Variants in OVCH1 observed in about 807,000 individuals in gnomAD.
The protein encoded by OVCH1 is ovochymase 1.
In OVCH1, 139 loss-of-function variants were observed where a neutral mutation model predicts 138.4. The observed-to-expected ratio is 1.00, with a 90% CI of 0.87 to 1.16. OVCH1 has a LOEUF of 1.16. OVCH1 is among the 50% of genes most tolerant of loss of function. The pLI, the probability that OVCH1 is intolerant of heterozygous loss-of-function variation, is 0.00. For missense variants in OVCH1, 1,367 were observed against 1,357.9 expected, an observed-to-expected ratio of 1.01 and a Z score of -0.11; for synonymous variants, 453 against 467.8, an observed-to-expected ratio of 0.97 and a Z score of 0.41.
rs1942823043 is a variant in OVCH1 at position 29,478,630 on chromosome 12, G to A, written c.1069+205C>T. Among the ~76,000 whole-genome samples the A allele has an allele frequency of 2.0e-5, 3 of 152,070 alleles. No individual in the cohort carries two copies. The South Asian group carries it at 6.2e-4, about 32-fold the overall frequency. ...GAAAAGTCTGTAAGATAAGATCATT[G>A]CCCTTGGTAGAATAAAAGAAATTTT... On this transcript the variant is annotated intron_variant, in intron 9 of 27. Transcript: ENST00000318184.
intron 14 of OVCH1, among the ~76,000 whole-genome samples, chr12:29,474,334 C>CT (rs1942630617): frequency 6.6e-6 from 1 of 152,146 alleles, no homozygotes; most frequent in African/African-American, 2.4e-5. Context: ...AGCTGTGTAT[C>CT]TTTGGGAACG....
intron 27 of OVCH1, among the ~76,000 whole-genome samples, chr12:29,428,869 C>A (rs1345594629): frequency 6.6e-6 from 1 of 152,106 alleles, no homozygotes; most frequent in Non-Finnish European, 1.5e-5. Context: ...AAAAAGTTTC[C>A]CTCTATGAGT....
intron 16 of OVCH1, among the ~76,000 whole-genome samples, chr12:29,471,554 A>G (rs1942507770): frequency 6.6e-6 from 1 of 152,230 alleles, no homozygotes; most frequent in Admixed American, 6.5e-5. Flanking sequence ...AGACCAGTGG[A>G]TTTCTGCAAT....
chr12:29,446,649 A>T (rs545842394), intron 22 of OVCH1, among the ~76,000 whole-genome samples: 1 of 152,212 alleles, frequency 6.6e-6, no homozygotes, highest in East Asian at 1.9e-4. Flanking sequence ...TCAATAGGTA[A>T]TAATGATAAA....
intron 27 of OVCH1, among the ~76,000 whole-genome samples, chr12:29,432,003 TAAAC>T (rs781466154): frequency 2.6e-5 from 4 of 152,244 alleles, no homozygotes; most frequent in Non-Finnish European, 5.9e-5. Flanking sequence ...TTTATTCAAA[TAAAC>T]AATTCTTGAG....
At chr12:29,411,175 C>T (rs1940950241), downstream of OVCH1, among the ~76,000 whole-genome samples, 2 of 97,460 alleles carry the variant, frequency 2.1e-5, 1 homozygote, top group Non-Finnish European at 5.4e-5. Flanking sequence ...TTAAGCAATT[C>T]TCTGTATTGG....
At chr12:29,457,581 T>A (rs972232844) in intron 19 of OVCH1, among the ~76,000 whole-genome samples, 5 of 151,680 alleles carry the variant, frequency 3.3e-5, no homozygotes, top group Non-Finnish European at 7.4e-5. Context: ...TTTTTTGTAT[T>A]TTTAGTAGAG....
intron 9 of OVCH1, among the ~76,000 whole-genome samples, chr12:29,478,198 T>C (rs917835047): frequency 3.9e-5 from 6 of 152,072 alleles, no homozygotes; most frequent in African/African-American, 1.2e-4. Flanking sequence ...AGGTATTCAA[T>C]AAAATAAATT....
At chr12:29,406,463 A>G in the OVCH1 span, among the ~76,000 whole-genome samples, 2 of 151,418 alleles carry the variant, frequency 1.3e-5, no homozygotes, top group Admixed American at 6.6e-5. Flanking sequence ...CTCCCCTCCA[A>G]CCCCACAACA....
At chr12:29,495,485 G>C (rs1369046224) in intron 3 of OVCH1, 28 bp from the exon 4 acceptor site, 1 of 1,599,764 alleles carries the variant, frequency 6.3e-7, no homozygotes. Context: ...TGTTTCATAA[G>C]TAGTTGTTTC....
downstream of OVCH1, chr12:29,412,340 A>C (rs1014565729): frequency 3.3e-5 from 5 of 153,028 alleles, no homozygotes; most frequent in South Asian, 2.1e-4. Flanking sequence ...ACCCGCGCCC[A>C]CTGTCTGGCA....
At chr12:29,451,927 GAA>G (rs986375504) in intron 21 of OVCH1, among the ~76,000 whole-genome samples, 16 of 152,170 alleles carry the variant, frequency 1.1e-4, no homozygotes, top group African/African-American at 3.9e-4. Context: ...TAAATTAGCT[GAA>G]CTTGCTGGGA....
At chr12:29,481,623 C>T (rs1331924446) in intron 8 of OVCH1, among the ~76,000 whole-genome samples, 1 of 152,152 alleles carries the variant, frequency 6.6e-6, no homozygotes, top group African/African-American at 2.4e-5. Context: ...CAATGCCAAA[C>T]CTTCTTTATT....
At chr12:29,430,336 G>A (rs962889959) in intron 27 of OVCH1, among the ~76,000 whole-genome samples, 1 of 152,192 alleles carries the variant, frequency 6.6e-6, no homozygotes, top group Non-Finnish European at 1.5e-5. Flanking sequence ...AGCTGTGGTC[G>A]AATGGGGAGG....
chr12:29,497,313 A>G lies in OVCH1; in HGVS notation c.64+310T>C, dbSNP rs527812699. On this transcript the variant is annotated intron_variant, in intron 1 of 27. Transcript: ENST00000318184. ...TGAGGAATGACCTATACTACTCCGG[A>G]AGGGAGATATTTGTCTTTAAGTTAC... Among the ~76,000 whole-genome samples, 4 of 151,416 alleles carry G rather than the reference A, an allele frequency of 2.6e-5. No homozygotes were observed. The South Asian group carries it at 6.2e-4, about 24-fold the overall frequency.
chr12:29,449,266 C>T (rs76245623), intron 22 of OVCH1, among the ~76,000 whole-genome samples: 4 of 110,414 alleles, frequency 3.6e-5, no homozygotes, highest in Non-Finnish European at 3.8e-5. Flanking sequence ...TTGCCTTTTT[C>T]CCCCCTCCCT....
intron 27 of OVCH1, among the ~76,000 whole-genome samples, chr12:29,431,713 A>C (rs1421055261): frequency 1.3e-5 from 2 of 152,250 alleles, no homozygotes; most frequent in Admixed American, 1.3e-4. Flanking sequence ...AAAATGAGTC[A>C]GATCTTGAAT....
chr12:29,442,365 C>T (rs1157779828), intron 25 of OVCH1, among the ~76,000 whole-genome samples: 5 of 140,580 alleles, frequency 3.6e-5, no homozygotes, highest in African/African-American at 7.8e-5. Flanking sequence ...AGTAAACTAT[C>T]TCAAGAACAA....
chr12:29,428,000 G>T (rs1402503782), intron 27 of OVCH1, among the ~76,000 whole-genome samples: 2 of 152,180 alleles, frequency 1.3e-5, no homozygotes, highest in Non-Finnish European at 1.5e-5. Flanking sequence ...GTGAGAAAGA[G>T]AAAAGCAGTC....
Sources: gnomAD v4.1 joint callset for allele counts (sites outside exome capture counted in the v4.1 genomes callset) on GRCh38, gnomAD v4.1.1 for gene constraint, MANE v1.5 for transcripts, NCBI Gene and HGNC (gene_info 2026-07-23, HGNC 2026-07-21) for gene names.